Variants in MYO18B observed in about 807,000 individuals in gnomAD.
MYO18B encodes unconventional myosin-XVIIIb.
A neutral mutation model predicts 273.0 loss-of-function variants in MYO18B; 204 were observed. That is an observed-to-expected ratio of 0.75 (90% CI 0.67 to 0.84). MYO18B has a LOEUF of 0.84. Ranked by LOEUF, MYO18B falls within the 40% of genes least tolerant of loss-of-function variation. The pLI is 0.00. For synonymous variants in MYO18B, 1,330 were observed against 1,305.7 expected, an observed-to-expected ratio of 1.02 and a Z score of -0.40; for missense variants, 3,212 against 3,287.6, an observed-to-expected ratio of 0.98 and a Z score of 0.56.
chr22:26,047,220 G>A, the MYO18B span, among the ~76,000 whole-genome samples: 2 of 150,712 alleles, frequency 1.3e-5, no homozygotes, highest in African/African-American at 4.9e-5. Context: ...TCTGCCTCCC[G>A]GGTTCACGCC....
intron 40 of MYO18B, 58 bp from the exon 41 acceptor site, chr22:26,003,207 T>C (rs1373255887): frequency 6.7e-6 from 10 of 1,482,266 alleles, no homozygotes; most frequent in African/African-American, 2.8e-5. Flanking sequence ...TCAATAACCA[T>C]GCTTCCAAGC....
chr22:25,997,443 G>C (rs1041741749), intron 40 of MYO18B, among the ~76,000 whole-genome samples: 2 of 151,710 alleles, frequency 1.3e-5, no homozygotes, highest in African/African-American at 4.8e-5. Context: ...TGGGTCGCAA[G>C]CCCCTGAAGC....
At chr22:25,999,905 C>T (rs908813439) in intron 40 of MYO18B, among the ~76,000 whole-genome samples, 24 of 152,054 alleles carry the variant, frequency 1.6e-4, no homozygotes, top group African/African-American at 4.6e-4. Flanking sequence ...CTGCCCGCCT[C>T]GCCTCCCAAA....
Position 26,004,854 on chromosome 22 carries a change from A to G in MYO18B, c.6469A>G (p.Arg2157Gly). The change falls in exon 42 of 44, where the codon AGG becomes GGG. Residue 2157 changes from arginine (R) to glycine (G), a missense_variant and splice_region_variant. Coordinates refer to ENST00000335473, the MANE Select transcript of MYO18B (RefSeq NM_032608.7). The stretch of plus-strand genomic sequence containing the variant: ...CACCAGCAGCCGCATCCTCAGCCCC[A>G]GGTAAGAGTATCTCCTTGCTGCCTC... Reference protein sequence around the residue: ...SATSSRILSPRINEEAGDTER... With the variant: ...SATSSRILSPGINEEAGDTER... 1.2e-6 allele frequency: 2 copies of G among 1,613,430 alleles called. No homozygotes were observed. Among genetic ancestry groups the G allele is most frequent in the Non-Finnish European group, 1.7e-6 (2 of 1,179,578 alleles).
chr22:25,967,303 G>A (rs566720336), intron 39 of MYO18B, among the ~76,000 whole-genome samples: 1 of 152,178 alleles, frequency 6.6e-6, no homozygotes, highest in Non-Finnish European at 1.5e-5. Flanking sequence ...ATGAGATTAT[G>A]CTTCACTTAA....
At chr22:25,924,048 T>C (rs2301504) in intron 34 of MYO18B, among the ~76,000 whole-genome samples, 77,245 of 152,084 alleles carry the variant, frequency 0.51, 22,413 homozygotes, top group African/African-American at 0.8. Flanking sequence ...AATCCACAGC[T>C]TTGGCTTTTC....
Position 25,955,352 on chromosome 22 carries a change from G to A in MYO18B, c.6144G>A (p.Arg2048=). The change falls in exon 39 of 44, where the codon CGG becomes CGA. Residue 2048 remains arginine (R), a synonymous_variant. Coordinates refer to ENST00000335473, the MANE Select transcript of MYO18B (RefSeq NM_032608.7). Reference sequence around the variant, plus strand: ...AGCGGGAGGCAGAGGCCAGCCGGCGGTGCATGGAGCTGGTGAGTCCTGTCC... The same window carrying A: ...AGCGGGAGGCAGAGGCCAGCCGGCGATGCATGGAGCTGGTGAGTCCTGTCC... ...LVQREAEASR[R]CMELEKYVEE... is the part of the protein sequence containing the mutation. 1 of 1,613,016 alleles carries A rather than the reference G, an allele frequency of 6.2e-7. No homozygotes were observed. Among genetic ancestry groups the A allele is most frequent in the Non-Finnish European group, 8.5e-7 (1 of 1,179,568 alleles).
intron 39 of MYO18B, among the ~76,000 whole-genome samples, chr22:25,963,665 G>A (rs1189988005): frequency 6.6e-6 from 1 of 151,258 alleles, no homozygotes; most frequent in African/African-American, 2.4e-5. Flanking sequence ...ACTATACGGT[G>A]GTTGAAAAGA....
intron 42 of MYO18B, among the ~76,000 whole-genome samples, chr22:26,016,812 A>T (rs1316547889): frequency 6.6e-6 from 1 of 152,232 alleles, no homozygotes; most frequent in Non-Finnish European, 1.5e-5. Flanking sequence ...GGGACACAGG[A>T]GGCTGTGGGA....
At chr22:25,874,547 G>A in intron 23 of MYO18B, 133 bp downstream of exon 23, 1 of 1,114,542 alleles carries the variant, frequency 9.0e-7, no homozygotes, top group Non-Finnish European at 1.3e-6. Context: ...TTTAAGTGAG[G>A]CTTTGCAAGA....
chr22:25,975,215 A>G (rs1464656243), intron 39 of MYO18B, among the ~76,000 whole-genome samples: 1 of 152,210 alleles, frequency 6.6e-6, no homozygotes, highest in Non-Finnish European at 1.5e-5. Context: ...AAAAGAGAGC[A>G]CACCGCTTAG....
rs1401947638 is a variant in MYO18B at position 25,769,006 on chromosome 22, G to A, written c.1090G>A (p.Glu364Lys). ...GGAGAAGACAAGCCAAGTGCAGGGC[G>A]AGTTGGGGGACGATCTGAGAATGGG... is the stretch of plus-strand genomic sequence containing the variant. ...QMEKTSQVQG[E>K]LGDDLRMGEK... Residue 364 changes from glutamate to lysine, a missense_variant, in exon 4 of 44, where the codon GAG becomes AAG. Glu to Lys is a moderately conservative substitution (Grantham distance 56). Transcript: ENST00000335473. 1.9e-6 allele frequency: 3 copies of A among 1,611,156 alleles called. No homozygotes were observed. The highest frequency in any genetic ancestry group is 4.5e-5 in the East Asian group (2 of 44,818).
At chr22:25,986,289 A>G (rs2093201539) in intron 39 of MYO18B, among the ~76,000 whole-genome samples, 1 of 152,240 alleles carries the variant, frequency 6.6e-6, no homozygotes, top group Non-Finnish European at 1.5e-5. Context: ...GAGATTGTTC[A>G]TTATAGCATC....
At chr22:25,947,449 A>G (rs1378311361) in intron 35 of MYO18B, among the ~76,000 whole-genome samples, 3 of 150,648 alleles carry the variant, frequency 2.0e-5, no homozygotes, top group Admixed American at 6.6e-5. Context: ...ATTCATACAC[A>G]CATACACCCT....
intron 37 of MYO18B, among the ~76,000 whole-genome samples, chr22:25,951,753 G>A (rs1462240261): frequency 1.3e-5 from 2 of 152,144 alleles, no homozygotes; most frequent in Non-Finnish European, 2.9e-5. Context: ...ATAACAACAC[G>A]CACAACAAAT....
rs1372920004 is a variant in MYO18B, at chr22:25,769,428, G to C, written c.1512G>C (p.Gln504His). Residue 504 changes from glutamine (Q) to histidine (H), a missense_variant and splice_region_variant, in exon 4 of 44, where the codon CAG (glutamine) becomes CAC (histidine). Transcript: ENST00000335473. ...GKGGQSRDSD[Q>H]APEDRWYEAE... ...GAGGCCAGAGCAGAGACTCAGACCAGGTGAGGGGGCTGCGGCCCTGGGAGC... is the reference window on the plus strand; with the variant it reads ...GAGGCCAGAGCAGAGACTCAGACCACGTGAGGGGGCTGCGGCCCTGGGAGC... 3.9e-6 allele frequency: 6 copies of C among 1,525,296 alleles called. No individual in the cohort carries two copies. The highest frequency in any genetic ancestry group is 1.3e-5 in the South Asian group (1 of 79,266). The allele number at this position is 1,525,296 out of a possible 1,614,324, so 94.5% of individuals were successfully genotyped here.
At chr22:25,848,421 G>A (rs2090323931) in intron 20 of MYO18B, among the ~76,000 whole-genome samples, 1 of 152,208 alleles carries the variant, frequency 6.6e-6, no homozygotes. Context: ...ATTAGGCAGA[G>A]GGATCAGCAA....
intron 34 of MYO18B, among the ~76,000 whole-genome samples, chr22:25,922,867 T>C (rs2092368289): frequency 6.6e-6 from 1 of 152,212 alleles, no homozygotes; most frequent in African/African-American, 2.4e-5. Context: ...TTAGAGCTTA[T>C]TCGCTTAACT....
intron 33 of MYO18B, among the ~76,000 whole-genome samples, chr22:25,919,584 G>T (rs1176824568): frequency 6.6e-6 from 1 of 152,154 alleles, no homozygotes; most frequent in Non-Finnish European, 1.5e-5. Flanking sequence ...TATTTAAGGA[G>T]ATTGTCACAG....
Sources: gnomAD v4.1 joint callset for allele counts (sites outside exome capture counted in the v4.1 genomes callset) on GRCh38, gnomAD v4.1.1 for gene constraint, MANE v1.5 for transcripts, NCBI Gene and HGNC (gene_info 2026-07-23, HGNC 2026-07-21) for gene names.